Variants in SLC12A7 observed in about 807,000 individuals in gnomAD.
SLC12A7 encodes K-Cl cotransporter 4.
In SLC12A7, 100 loss-of-function variants were observed where a neutral mutation model predicts 120.6. The observed-to-expected ratio is 0.83, with a 90% CI of 0.71 to 0.98. SLC12A7 has a LOEUF of 0.98. SLC12A7 is among the 50% of genes least tolerant of loss of function. The pLI is 0.00. For missense variants in SLC12A7, 1,373 were observed against 1,548.1 expected (o/e 0.89, Z 1.90); for synonymous variants, 760 against 678.0 (o/e 1.12, Z -1.88).
intron 15 of SLC12A7, among the ~76,000 whole-genome samples, chr5:1,075,058 C>A (rs1379030766): frequency 6.6e-6 from 1 of 152,182 alleles, no homozygotes; most frequent in East Asian, 1.9e-4. Context: ...ACAGACACAA[C>A]CTGGGGACAC....
Position 1,052,166 on chromosome 5 carries a change from G to A in SLC12A7, c.*194C>T, listed in dbSNP as rs1477721588. The stretch of plus-strand genomic sequence containing the variant: ...TCGTCCAGCCACGCCCTGATTTGCT[G>A]AGCCTGTTAAGGCTGAACAGGAGAG... On this transcript the variant is annotated 3_prime_UTR_variant, in exon 24 of 24. Coordinates refer to ENST00000264930, the MANE Select transcript of SLC12A7 (RefSeq NM_006598.3). 9 of 595,428 alleles carry A rather than the reference G, an allele frequency of 1.5e-5. No homozygotes were observed. The South Asian group carries it at 1.6e-4, about 11-fold the overall frequency. 36.9% of individuals were successfully genotyped at this position (595,428 alleles called of 1,614,324 possible).
intron 5 of SLC12A7, among the ~76,000 whole-genome samples, chr5:1,087,957 C>G (rs1740071314): frequency 6.6e-6 from 1 of 152,148 alleles, no homozygotes; most frequent in African/African-American, 2.4e-5. Context: ...TTGTCTTCAC[C>G]TTCCCTCGTG....
intron 7 of SLC12A7, among the ~76,000 whole-genome samples, chr5:1,084,537 A>G (rs1266925909): frequency 6.6e-6 from 1 of 152,144 alleles, no homozygotes; most frequent in Non-Finnish European, 1.5e-5. Context: ...TGTACGTGGA[A>G]AACAGTCTAC....
intron 20 of SLC12A7, among the ~76,000 whole-genome samples, chr5:1,062,354 T>TACA (rs1736383888): frequency 6.6e-6 from 1 of 152,224 alleles, no homozygotes. Flanking sequence ...TAATAACCCC[T>TACA]ACAACCTTGA....
intron 9 of SLC12A7, among the ~76,000 whole-genome samples, chr5:1,079,735 C>T (rs1323240251): frequency 2.6e-5 from 4 of 152,180 alleles, no homozygotes; most frequent in African/African-American, 7.2e-5. Flanking sequence ...GGACGAGAAC[C>T]GACCCCGTCA....
the SLC12A7 span, among the ~76,000 whole-genome samples, chr5:1,146,473 A>G: frequency 1.4e-4 from 22 of 152,252 alleles, no homozygotes; most frequent in Admixed American, 3.3e-4. This position sits in a 1 kb window ranked among gnomAD's most constrained non-coding sequence, Gnocchi z 6.5. Context: ...GTAAACAAAA[A>G]ATAAAATTCT....
At chr5:1,140,783 G>T in the SLC12A7 span, among the ~76,000 whole-genome samples, 1 of 152,262 alleles carries the variant, frequency 6.6e-6, no homozygotes, top group Non-Finnish European at 1.5e-5. Flanking sequence ...ACCCAGGAGG[G>T]CCATTGACAA....
chr5:1,152,392 T>G, the SLC12A7 span, among the ~76,000 whole-genome samples: 11 of 152,324 alleles, frequency 7.2e-5, no homozygotes, highest in South Asian at 2.3e-3. Context: ...CCACCCTCCT[T>G]GATGCAAAAA....
chr5:1,104,726 C>T (rs1050476571), intron 1 of SLC12A7, among the ~76,000 whole-genome samples: 5 of 152,212 alleles, frequency 3.3e-5, no homozygotes, highest in Admixed American at 1.3e-4. Context: ...AACCCCAGAA[C>T]GCAGGAAACA....
chr5:1,112,915 T>G (rs1380283247), upstream of SLC12A7, among the ~76,000 whole-genome samples: 3 of 122,086 alleles, frequency 2.5e-5, no homozygotes, highest in Non-Finnish European at 4.9e-5. Context: ...AAGACCCCAG[T>G]CTCCTCCACA....
intron 3 of SLC12A7, among the ~76,000 whole-genome samples, chr5:1,092,836 CA>C (rs1437345779): frequency 6.6e-6 from 1 of 152,166 alleles, no homozygotes; most frequent in Non-Finnish European, 1.5e-5. Flanking sequence ...GCCGCACCCC[CA>C]CAGCGAGGAC....
At chr5:1,076,937 G>T in intron 12 of SLC12A7, 125 bp from the exon 13 acceptor site, 1 of 708,496 alleles carries the variant, frequency 1.4e-6, no homozygotes, top group Non-Finnish European at 2.5e-6. Flanking sequence ...GCCTTTCACA[G>T]TAGGTCCCCG....
Position 1,088,346 on chromosome 5 carries a change from G to A in SLC12A7, c.504C>T (p.Ala168=), listed in dbSNP as rs771055266. Residue 168 remains alanine (A), a synonymous_variant, in exon 5 of 24, where the codon GCC becomes GCT. Coordinates refer to ENST00000264930, the MANE Select transcript of SLC12A7 (RefSeq NM_006598.3). ...TGGTAGCGATCGCACTCATGGAAAT[G>A]GCGGTCAGCATTGTCTGCAAAAAGA... ...AMCCTCTMLT[A]ISMSAIATNG... 6.9e-6 allele frequency: 11 copies of A among 1,586,082 alleles called. No homozygotes were observed. In the South Asian group the frequency reaches 9.2e-5, roughly 13 times the overall value.
chr5:1,128,276 C>T, the SLC12A7 span, among the ~76,000 whole-genome samples: 1 of 152,320 alleles, frequency 6.6e-6, no homozygotes, highest in Non-Finnish European at 1.5e-5. Context: ...GGTAAACTCC[C>T]GCTGATCTGC....
At position 1,081,626 on chromosome 5, in the gene SLC12A7, G is replaced by C. The variant is rs201010004; in HGVS notation, c.1248C>G (p.Ile416Met). 5.3e-5 allele frequency: 85 copies of C among 1,611,314 alleles called. No individual in the cohort carries two copies. Among genetic ancestry groups the C allele is most frequent in the Middle Eastern group, 3.3e-4 (2 of 6,056 alleles). ...CAACCAGCAGGGTGAAGGAGGCCGC[G>C]ATGTCGGTGAGCACGTAGGGCAGTG... is the stretch of plus-strand genomic sequence containing the variant. ...ASALPYVLTD[I>M]AASFTLLVGI... The change falls in exon 9 of 24, where the codon ATC becomes ATG. Residue 416 changes from isoleucine (I) to methionine (M), a missense_variant. Physicochemically the swap from Ile to Met is conservative, Grantham distance 10. Coordinates refer to ENST00000264930, the MANE Select transcript of SLC12A7 (RefSeq NM_006598.3).
intron 21 of SLC12A7, 70 bp downstream of exon 21, chr5:1,060,274 A>C: frequency 8.3e-7 from 1 of 1,207,338 alleles, no homozygotes; most frequent in Non-Finnish European, 1.2e-6. Flanking sequence ...GGAGGGTCCC[A>C]GAAAAGACTC....
At chr5:1,100,967 C>T (rs1400492111) in intron 1 of SLC12A7, among the ~76,000 whole-genome samples, 1 of 152,188 alleles carries the variant, frequency 6.6e-6, no homozygotes, top group African/African-American at 2.4e-5. Context: ...TGACCACCCA[C>T]CAGGAGCCCT....
chr5:1,089,739 C>T (rs1740285939), intron 3 of SLC12A7, among the ~76,000 whole-genome samples: 1 of 152,344 alleles, frequency 6.6e-6, no homozygotes, highest in South Asian at 2.1e-4. Context: ...CTTCAGACAC[C>T]TGTGCCAGAG....
chr5:1,136,784 C>T, the SLC12A7 span, among the ~76,000 whole-genome samples: 2 of 149,588 alleles, frequency 1.3e-5, no homozygotes, highest in Non-Finnish European at 3.0e-5. Flanking sequence ...GACACCAACA[C>T]CAGGACACGC....
Sources: allele counts gnomAD v4.1 joint callset (sites outside exome capture counted in the v4.1 genomes callset), GRCh38; gene constraint gnomAD v4.1.1; non-coding constraint Gnocchi (gnomAD v3.1); transcripts MANE v1.5; gene names NCBI Gene and HGNC (gene_info 2026-07-23, HGNC 2026-07-21).